Variants in NOS1AP observed in about 807,000 individuals in gnomAD.
NOS1AP encodes nitric oxide synthase 1 adaptor protein.
NOS1AP carries 21 observed loss-of-function variants against 56.2 expected under a neutral mutation model. That is an observed-to-expected ratio of 0.37 (90% CI 0.26 to 0.54). The LOEUF is 0.54. NOS1AP is among the 20% of genes least tolerant of loss of function. The pLI is 0.84. For synonymous variants in NOS1AP, 270 were observed against 274.6 expected, an observed-to-expected ratio of 0.98 and a Z score of 0.17; for missense variants, 522 against 657.8, an observed-to-expected ratio of 0.79 and a Z score of 2.26.
chr1:162,239,097 A>G (rs1653398330), intron 2 of NOS1AP, among the ~76,000 whole-genome samples: 1 of 152,244 alleles, frequency 6.6e-6, no homozygotes, highest in African/African-American at 2.4e-5. Context: ...ACTGTTTTCT[A>G]TGGTTCTTTG....
chr1:162,150,041 A>G (rs1649645142), intron 1 of NOS1AP, among the ~76,000 whole-genome samples: 2 of 152,188 alleles, frequency 1.3e-5, no homozygotes, highest in Admixed American at 6.5e-5. Context: ...TGTTGACTAT[A>G]GTCATCCTAT....
chr1:162,112,542 T>C (rs1351626051), intron 1 of NOS1AP, among the ~76,000 whole-genome samples: 1 of 152,226 alleles, frequency 6.6e-6, no homozygotes, highest in African/African-American at 2.4e-5. Context: ...TGTCAGATCA[T>C]TCAAAGATGT....
chr1:162,124,832 G>A (rs57596075), intron 1 of NOS1AP, among the ~76,000 whole-genome samples: 11,517 of 151,998 alleles, frequency 0.076, 538 homozygotes, highest in African/African-American at 0.13. Context: ...CACACACACC[G>A]TATTTTCTTT....
chr1:162,311,672 G>T (rs1292818009), intron 4 of NOS1AP, among the ~76,000 whole-genome samples: 20 of 148,664 alleles, frequency 1.3e-4, no homozygotes, highest in Non-Finnish European at 2.4e-4. Context: ...ATGCTGGTGC[G>T]CTGCACCCAC....
At chr1:162,114,446 C>CA (rs1647851972) in intron 1 of NOS1AP, among the ~76,000 whole-genome samples, 2 of 152,140 alleles carry the variant, frequency 1.3e-5, no homozygotes, top group South Asian at 4.1e-4. Context: ...GAATCAGGCT[C>CA]ACATATATTA....
chr1:162,319,717 G>T (rs1656351438), intron 4 of NOS1AP, among the ~76,000 whole-genome samples: 1 of 151,990 alleles, frequency 6.6e-6, no homozygotes, highest in South Asian at 2.1e-4. Context: ...TGTCCTGAGA[G>T]CTCCTGCCAG....
At chr1:162,239,085 A>G in intron 2 of NOS1AP, among the ~76,000 whole-genome samples, 1 of 152,260 alleles carries the variant, frequency 6.6e-6, no homozygotes, top group East Asian at 1.9e-4. Flanking sequence ...AGGTATGCAC[A>G]TACTGTTTTC....
chr1:162,355,274 A>G lies in NOS1AP; in HGVS notation c.683A>G (p.Asn228Ser), dbSNP rs1230709799. ...GCGGTGGAGGTCCCACTTCCAGGGAATGATGTCCTGGAATTCAGCCGAGGT... is the reference window on the plus strand; with the variant it reads ...GCGGTGGAGGTCCCACTTCCAGGGAGTGATGTCCTGGAATTCAGCCGAGGT... ...IDAVEVPLPGNDVLEFSRGVT... is the reference protein window; with the variant it reads ...IDAVEVPLPGSDVLEFSRGVT... Residue 228 changes from asparagine (N) to serine (S), a missense_variant, in exon 7 of 10, where the codon AAT (asparagine) becomes AGT (serine). This residue lies in a region of NOS1AP where 178 missense variants were observed against 165.0 expected (regional missense o/e 1.08). Coordinates refer to ENST00000361897, the MANE Select transcript of NOS1AP (RefSeq NM_014697.3). 1.2e-6 allele frequency: 2 copies of G among 1,614,090 alleles called. No homozygotes were observed. Among genetic ancestry groups the G allele is most frequent in the Non-Finnish European group, 1.7e-6 (2 of 1,179,992 alleles).
intron 2 of NOS1AP, among the ~76,000 whole-genome samples, chr1:162,264,244 C>T (rs1288862908): frequency 6.6e-6 from 1 of 152,048 alleles, no homozygotes; most frequent in East Asian, 1.9e-4. Flanking sequence ...CCCTATTTTC[C>T]TCTTCAGCCT....
rs762386557 is a variant in NOS1AP at position 162,356,964 on chromosome 1, C to T, written c.767C>T (p.Ser256Leu). 31 of 1,613,988 alleles carry T rather than the reference C, an allele frequency of 1.9e-5. No homozygotes were observed. Among genetic ancestry groups the T allele is most frequent in the South Asian group, 1.3e-4 (12 of 91,090 alleles). ...TGTCTTCTCCTTCTCCTCCAGGTTT[C>T]GCACCCCCAGGAGCCCATGCTGACA... ...EGGSHTGSKV[S>L]HPQEPMLTAS... The change falls in exon 8 of 10, where the codon TCG becomes TTG. Residue 256 changes from serine (S) to leucine (L), a missense_variant. Ser to Leu is a moderately radical substitution (Grantham distance 145, BLOSUM62 -2). This residue lies in a region of NOS1AP where 178 missense variants were observed against 165.0 expected (regional missense o/e 1.08). Transcript: ENST00000361897.
chr1:162,244,294 A>AT (rs1429552981), intron 2 of NOS1AP, among the ~76,000 whole-genome samples: 1 of 151,986 alleles, frequency 6.6e-6, no homozygotes, highest in East Asian at 1.9e-4. Context: ...TCAGCAGTTG[A>AT]TTTTCATTCT....
chr1:162,318,369 A>G (rs1321990943), intron 4 of NOS1AP, among the ~76,000 whole-genome samples: 1 of 152,108 alleles, frequency 6.6e-6, no homozygotes, highest in Non-Finnish European at 1.5e-5. Flanking sequence ...CTCTACTGAG[A>G]CTGCTCTTGC....
At chr1:162,158,418 T>G (rs1650059252) in intron 2 of NOS1AP, among the ~76,000 whole-genome samples, 1 of 152,210 alleles carries the variant, frequency 6.6e-6, no homozygotes. Flanking sequence ...GTTGCTTCTA[T>G]GTCTTGGCTG....
chr1:162,101,804 T>C (rs142772718), intron 1 of NOS1AP, among the ~76,000 whole-genome samples: 2,617 of 152,276 alleles, frequency 0.017, 80 homozygotes, highest in African/African-American at 0.059. Context: ...TCCTGAGACT[T>C]TGCTGAAGTT....
chr1:162,294,192 GAAGT>G (rs747223430), intron 3 of NOS1AP, among the ~76,000 whole-genome samples: 16,372 of 55,016 alleles, frequency 0.3, 1,191 homozygotes, highest in Middle Eastern at 0.38. Flanking sequence ...AGGAAGGAAG[GAAGT>G]AAGGAAGGAA....
At chr1:162,124,228 G>A (rs1183319770) in intron 1 of NOS1AP, among the ~76,000 whole-genome samples, 2 of 152,040 alleles carry the variant, frequency 1.3e-5, no homozygotes, top group African/African-American at 2.4e-5. Flanking sequence ...CATATCACTC[G>A]AGTAGTGTAC....
At chr1:162,171,364 C>T (rs1650772452) in intron 2 of NOS1AP, among the ~76,000 whole-genome samples, 1 of 152,118 alleles carries the variant, frequency 6.6e-6, no homozygotes, top group Admixed American at 6.5e-5. Flanking sequence ...GACTTTCTCT[C>T]CCCTTGCTGT....
intron 2 of NOS1AP, among the ~76,000 whole-genome samples, chr1:162,200,076 A>C (rs1651943463): frequency 1.3e-5 from 2 of 152,120 alleles, no homozygotes; most frequent in Admixed American, 6.5e-5. Context: ...GGGTTCTTCC[A>C]TTTGTGCACT....
intron 1 of NOS1AP, among the ~76,000 whole-genome samples, chr1:162,122,576 C>T (rs1311248410): frequency 1.3e-5 from 2 of 149,612 alleles, no homozygotes; most frequent in East Asian, 2.0e-4. Flanking sequence ...GGCATGATCT[C>T]GGCTCACTGC....
Sources: allele counts gnomAD v4.1 joint callset (sites outside exome capture counted in the v4.1 genomes callset), GRCh38; gene constraint gnomAD v4.1.1; regional missense constraint gnomAD v4.1.1; transcripts MANE v1.5; gene names NCBI Gene and HGNC (gene_info 2026-07-23, HGNC 2026-07-21).